Variants in SLC2A9 observed in about 807,000 individuals in gnomAD.
SLC2A9 encodes solute carrier family 2, facilitated glucose transporter member 9.
A neutral mutation model predicts 50.6 loss-of-function variants in SLC2A9; 39 were observed. That is an observed-to-expected ratio of 0.77 (90% confidence interval 0.60 to 1.01). SLC2A9 has a LOEUF of 1.01. SLC2A9 is among the 50% of genes least tolerant of loss of function. The probability of loss-of-function intolerance (pLI) is 0.00; values close to 1 mark genes in which losing one functional copy is unlikely to be tolerated. For missense variants in SLC2A9, 686 were observed against 677.6 expected (o/e 1.01, Z -0.14); for synonymous variants, 324 against 276.9 (o/e 1.17, Z -1.69).
At chr4:9,795,632 A>C (rs1720502450), downstream of SLC2A9, among the ~76,000 whole-genome samples, 1 of 152,200 alleles carries the variant, frequency 6.6e-6, no homozygotes, top group African/African-American at 2.4e-5. Flanking sequence ...GCTGGGCTGG[A>C]GGGCCATTAA....
chr4:10,021,932 G>C (rs1763540917), upstream of SLC2A9, among the ~76,000 whole-genome samples: 1 of 151,668 alleles, frequency 6.6e-6, no homozygotes, highest in South Asian at 2.1e-4. Flanking sequence ...CTCCGCACCT[G>C]GGTTCAAGCA....
At chr4:9,861,481 G>A (rs1731634528) in intron 10 of SLC2A9, among the ~76,000 whole-genome samples, 1 of 152,010 alleles carries the variant, frequency 6.6e-6, no homozygotes, top group South Asian at 2.1e-4. Context: ...AGATTTGGTG[G>A]GGACACAACT....
chr4:9,991,343 GGT>G (rs1757685640), intron 3 of SLC2A9, among the ~76,000 whole-genome samples: 1 of 152,212 alleles, frequency 6.6e-6, no homozygotes, highest in Non-Finnish European at 1.5e-5. Flanking sequence ...TCAGCAGCAC[GGT>G]GTGTTGCTCA....
chr4:9,881,525 CAT>C (rs1413389728), intron 10 of SLC2A9, among the ~76,000 whole-genome samples: 1 of 152,192 alleles, frequency 6.6e-6, no homozygotes, highest in African/African-American at 2.4e-5. Flanking sequence ...GGGGTTGACA[CAT>C]GTTTAAAATA....
chr4:9,904,136 G>T (rs938249533), intron 8 of SLC2A9, among the ~76,000 whole-genome samples: 1 of 152,112 alleles, frequency 6.6e-6, no homozygotes, highest in African/African-American at 2.4e-5. Context: ...GTCAGATGCT[G>T]TATTAGTTTC....
At chr4:9,867,144 C>A (rs1377875006) in intron 10 of SLC2A9, among the ~76,000 whole-genome samples, 1 of 152,212 alleles carries the variant, frequency 6.6e-6, no homozygotes, top group Non-Finnish European at 1.5e-5. Flanking sequence ...ATTTTTGACA[C>A]CTCACAGAAG....
rs1729039876 is a variant in SLC2A9 at position 9,846,612 on chromosome 4, T to A, written c.1292-11604A>T. ...TTGCCTATAATCTCATTTAATGAGC[T>A]ATTTAAAATCTCAGTAAAGTCGAAA... On this transcript the variant is annotated intron_variant, in intron 10 of 11. Transcript: ENST00000264784. 3.3e-5 allele frequency among the ~76,000 whole-genome samples: 5 copies of A among 152,228 alleles called. No homozygotes were observed. The South Asian group carries it at 6.2e-4, about 19-fold the overall frequency.
intron 11 of SLC2A9, among the ~76,000 whole-genome samples, chr4:9,832,905 A>C (rs1726406205): frequency 6.6e-6 from 1 of 152,066 alleles, no homozygotes; most frequent in African/African-American, 2.4e-5. Context: ...CAGGCAAGCA[A>C]GGTCTTTCAC....
chr4:9,817,068 TTC>T (rs376214112), intron 3 of SLC2A9, among the ~76,000 whole-genome samples: 4 of 152,088 alleles, frequency 2.6e-5, no homozygotes, highest in Admixed American at 1.3e-4. Flanking sequence ...TCAAATCTTT[TTC>T]TCTCTCTCTC....
intron 3 of SLC2A9, chr4:9,783,067 G>A: frequency 6.2e-7 from 1 of 1,614,204 alleles, no homozygotes; most frequent in East Asian, 2.2e-5. Context: ...TCTTCGTCTG[G>A]TTCGGCTGGG....
chr4:9,907,992 T>C (rs1006320154), intron 8 of SLC2A9, among the ~76,000 whole-genome samples: 1 of 152,196 alleles, frequency 6.6e-6, no homozygotes, highest in African/African-American at 2.4e-5. Flanking sequence ...GGGTGAGAAT[T>C]GTCGCTCTTC....
chr4:9,910,412 G>C (rs780316773), intron 7 of SLC2A9, among the ~76,000 whole-genome samples: 1 of 152,202 alleles, frequency 6.6e-6, no homozygotes, highest in Non-Finnish European at 1.5e-5. Context: ...TTCCCCTTTA[G>C]AAGGTAACTA....
chr4:9,852,645 G>T (rs980430321), intron 10 of SLC2A9, among the ~76,000 whole-genome samples: 12 of 152,198 alleles, frequency 7.9e-5, no homozygotes, highest in African/African-American at 2.7e-4. Flanking sequence ...ATGCTTTTCA[G>T]ATAAGCAAGT....
At chr4:9,862,609 G>A (rs1161439371) in intron 10 of SLC2A9, among the ~76,000 whole-genome samples, 1 of 151,978 alleles carries the variant, frequency 6.6e-6, no homozygotes, top group South Asian at 2.1e-4. Context: ...CCTTCCAAGC[G>A]AGTTCCTGCC....
At chr4:9,937,089 C>T (rs773772966) in intron 6 of SLC2A9, among the ~76,000 whole-genome samples, 25 of 152,200 alleles carry the variant, frequency 1.6e-4, no homozygotes, top group Non-Finnish European at 7.3e-5. Context: ...AAAGGTTGCA[C>T]GGGAATGGCA....
chr4:10,010,481 G>A (rs776344706), intron 2 of SLC2A9, among the ~76,000 whole-genome samples: 17 of 152,146 alleles, frequency 1.1e-4, no homozygotes, highest in Non-Finnish European at 1.9e-4. Context: ...TGAGCCTGTC[G>A]CTGGTGTCTG....
downstream of SLC2A9, among the ~76,000 whole-genome samples, chr4:9,797,191 C>A (rs1454901261): frequency 1.3e-5 from 2 of 152,188 alleles, no homozygotes; most frequent in African/African-American, 4.8e-5. Context: ...GTGGTCACTG[C>A]AAGGACAAAG....
chr4:9,880,919 C>A (rs57158322), intron 10 of SLC2A9, among the ~76,000 whole-genome samples: 1 of 152,184 alleles, frequency 6.6e-6, no homozygotes, highest in Non-Finnish European at 1.5e-5. Context: ...CAGGTCTGCC[C>A]TGTGAAATTC....
chr4:9,886,864 C>T (rs1320175593), intron 10 of SLC2A9, among the ~76,000 whole-genome samples: 1 of 152,204 alleles, frequency 6.6e-6, no homozygotes, highest in Non-Finnish European at 1.5e-5. Flanking sequence ...TCCTCAGTTG[C>T]ATTGCATCCT....
Sources: allele counts gnomAD v4.1 joint callset (sites outside exome capture counted in the v4.1 genomes callset), GRCh38; gene constraint gnomAD v4.1.1; transcripts MANE v1.5; gene names NCBI Gene and HGNC (gene_info 2026-07-23, HGNC 2026-07-21).